LRRC4C: variants seen among roughly 807,000 people sequenced by gnomAD.
The protein encoded by LRRC4C is leucine rich repeat containing 4C, also known as leucine-rich repeat-containing protein 4C.
A neutral mutation model predicts 33.6 loss-of-function variants in LRRC4C; 5 were observed. That is an observed-to-expected ratio of 0.15 (90% CI 0.08 to 0.31). The LOEUF (loss-of-function observed/expected upper bound fraction) is 0.31. Ranked by LOEUF, LRRC4C falls within the 10% of genes least tolerant of loss-of-function variation. The pLI is 1.00. For synonymous variants in LRRC4C, 329 were observed against 302.0 expected, an observed-to-expected ratio of 1.09 and a Z score of -0.93; for missense variants, 560 against 796.7, an observed-to-expected ratio of 0.70 and a Z score of 3.58.
At chr11:40,890,095 T>C (rs1027605675) in intron 2 of LRRC4C, among the ~76,000 whole-genome samples, 2 of 152,150 alleles carry the variant, frequency 1.3e-5, no homozygotes, top group African/African-American at 4.8e-5. Flanking sequence ...AGGAAAGCCT[T>C]AGTCACATTT....
chr11:40,314,966 A>G (rs1371338288), intron 4 of LRRC4C, among the ~76,000 whole-genome samples: 1 of 152,032 alleles, frequency 6.6e-6, no homozygotes, highest in Admixed American at 6.6e-5. Flanking sequence ...GAAAGGAGGA[A>G]TAATTTCTTG....
intron 1 of LRRC4C, among the ~76,000 whole-genome samples, chr11:41,237,148 C>T (rs1948060399): frequency 6.6e-6 from 1 of 152,096 alleles, no homozygotes; most frequent in Non-Finnish European, 1.5e-5. Context: ...AATGCTTTAA[C>T]AAGAAATAGA....
chr11:40,841,961 T>C lies in LRRC4C; in HGVS notation c.-407+91674A>G, dbSNP rs573908467. Among the ~76,000 whole-genome samples, 53 of 152,296 alleles carry C rather than the reference T, an allele frequency of 3.5e-4. 1 individual carries two copies. The South Asian group carries it at 0.011, about 30-fold the overall frequency. On this transcript the variant is annotated intron_variant, in intron 2 of 6. Coordinates refer to ENST00000528697, the MANE Select transcript of LRRC4C (RefSeq NM_001258419.2). ...CAATCATTTCATCTTCTCTTATTGG[T>C]ACATGCCTGTTCCCACTCTATTTCC...
intron 2 of LRRC4C, among the ~76,000 whole-genome samples, chr11:40,910,993 TG>T (rs996029472): frequency 1.3e-4 from 20 of 152,102 alleles, no homozygotes. Context: ...GCAGCAAGGC[TG>T]GGGGAGGGGC....
chr11:40,775,335 G>A (rs1298484663), intron 2 of LRRC4C, among the ~76,000 whole-genome samples: 12 of 151,946 alleles, frequency 7.9e-5, no homozygotes, highest in East Asian at 3.9e-4. Flanking sequence ...GCGTGAACCC[G>A]GGAGGCGGAG....
chr11:40,311,208 G>C (rs1339235027), intron 4 of LRRC4C, among the ~76,000 whole-genome samples: 3 of 152,134 alleles, frequency 2.0e-5, no homozygotes, highest in African/African-American at 7.2e-5. Flanking sequence ...CTCTCCTGCA[G>C]TATGGCAAGA....
chr11:40,356,632 G>A (rs566963589), intron 3 of LRRC4C, among the ~76,000 whole-genome samples: 43 of 152,194 alleles, frequency 2.8e-4, no homozygotes, highest in African/African-American at 8.4e-4. Context: ...GCTGTATCAC[G>A]GGATGAAAGA....
At chr11:40,953,540 A>ATTAAATT (rs1201021726) in intron 1 of LRRC4C, among the ~76,000 whole-genome samples, 17 of 151,886 alleles carry the variant, frequency 1.1e-4, no homozygotes, top group African/African-American at 4.1e-4. Flanking sequence ...TATTACCCTG[A>ATTAAATT]TTAAATTTTA....
At chr11:40,329,882 C>A (rs1465237347) in intron 3 of LRRC4C, among the ~76,000 whole-genome samples, 1 of 151,838 alleles carries the variant, frequency 6.6e-6, no homozygotes, top group Non-Finnish European at 1.5e-5. Flanking sequence ...GCTGCGACTA[C>A]AGGCATTTGC....
At chr11:40,949,233 A>C (rs2136693117) in intron 1 of LRRC4C, among the ~76,000 whole-genome samples, 1 of 151,954 alleles carries the variant, frequency 6.6e-6, no homozygotes, top group South Asian at 2.1e-4. Context: ...TTTTCTTGTA[A>C]ATTTGTTGGA....
chr11:40,381,229 G>GA (rs149263163), intron 3 of LRRC4C, among the ~76,000 whole-genome samples: 2,282 of 132,116 alleles, frequency 0.017, 21 homozygotes, highest in Non-Finnish European at 0.023. Context: ...ACTTTAAAAT[G>GA]AAAAAAAAAA....
intron 1 of LRRC4C, among the ~76,000 whole-genome samples, chr11:41,348,800 C>T (rs893947672): frequency 6.6e-6 from 1 of 152,046 alleles, no homozygotes; most frequent in Non-Finnish European, 1.5e-5. Context: ...ATGGAGTGGC[C>T]CACTATTACC....
intron 5 of LRRC4C, among the ~76,000 whole-genome samples, chr11:40,227,351 T>C (rs988182307): frequency 6.6e-6 from 1 of 152,222 alleles, no homozygotes; most frequent in Non-Finnish European, 1.5e-5. Context: ...TGAAGATGAT[T>C]GTTATGATGA....
rs574635442 is a variant in LRRC4C, at chr11:41,014,442, G to A, written c.-495-80719C>T. On this transcript the variant is annotated intron_variant, in intron 1 of 6. Coordinates refer to ENST00000528697, the MANE Select transcript of LRRC4C (RefSeq NM_001258419.2). ...CAATAAATGGTACCAAGAGCACAGT[G>A]CATGTGTGTTGTTGATCACAGTACA... Among the ~76,000 whole-genome samples the A allele has an allele frequency of 3.3e-5, 5 of 151,196 alleles. No individual in the cohort carries two copies. In the South Asian group the frequency reaches 1.0e-3, roughly 32 times the overall value.
At chr11:40,942,875 G>A (rs1291772298) in intron 1 of LRRC4C, among the ~76,000 whole-genome samples, 1 of 152,104 alleles carries the variant, frequency 6.6e-6, no homozygotes, top group African/African-American at 2.4e-5. Context: ...CATATGAACA[G>A]AGCCAAGGCA....
intron 5 of LRRC4C, among the ~76,000 whole-genome samples, chr11:40,164,071 G>T (rs1859385269): frequency 6.6e-6 from 1 of 152,098 alleles, no homozygotes; most frequent in Admixed American, 6.5e-5. Flanking sequence ...TTGTGAGAGG[G>T]TCATGTGTCA....
intron 1 of LRRC4C, among the ~76,000 whole-genome samples, chr11:41,081,364 G>C (rs1466385005): frequency 6.6e-6 from 1 of 152,168 alleles, no homozygotes; most frequent in African/African-American, 2.4e-5. Flanking sequence ...ACATAGACAA[G>C]AAGGCACTGA....
At chr11:40,908,725 C>CATATAAATT (rs1196164451) in intron 2 of LRRC4C, among the ~76,000 whole-genome samples, 1 of 152,062 alleles carries the variant, frequency 6.6e-6, no homozygotes, top group Admixed American at 6.6e-5. Context: ...TGTGGAAGTG[C>CATATAAATT]ATATAAATTA....
intron 1 of LRRC4C, among the ~76,000 whole-genome samples, chr11:41,210,750 G>T (rs1946790023): frequency 6.6e-6 from 1 of 152,166 alleles, no homozygotes; most frequent in African/African-American, 2.4e-5. Context: ...TCTGTGGAAA[G>T]AAACTGAACT....
Sources: gnomAD v4.1 joint callset for allele counts (sites outside exome capture counted in the v4.1 genomes callset) on GRCh38, gnomAD v4.1.1 for gene constraint, MANE v1.5 for transcripts, NCBI Gene and HGNC (gene_info 2026-07-23, HGNC 2026-07-21) for gene names.